KHDRBS2: variants seen among roughly 807,000 people sequenced by gnomAD.
The protein encoded by KHDRBS2 is KH domain-containing, RNA-binding, signal transduction-associated protein 2.
In KHDRBS2, 26 loss-of-function variants were observed where a neutral mutation model predicts 44.3. That is an observed-to-expected ratio of 0.59 (90% CI 0.43 to 0.81). The LOEUF (loss-of-function observed/expected upper bound fraction) is 0.81, where lower values mean the gene tolerates loss of function less well. KHDRBS2 is among the 40% of genes least tolerant of loss of function. The probability of loss-of-function intolerance (pLI) is 0.00; values close to 1 mark genes in which losing one functional copy is unlikely to be tolerated. For synonymous variants in KHDRBS2, 194 were observed against 151.1 expected, an observed-to-expected ratio of 1.28 and a Z score of -2.08; for missense variants, 476 against 433.1, an observed-to-expected ratio of 1.10 and a Z score of -0.88.
At chr6:61,621,973 C>A in the KHDRBS2 span, among the ~76,000 whole-genome samples, 1 of 152,106 alleles carries the variant, frequency 6.6e-6, no homozygotes, top group Non-Finnish European at 1.5e-5. Flanking sequence ...AGTTATACAG[C>A]CAGAAGTATA....
intron 2 of KHDRBS2, among the ~76,000 whole-genome samples, chr6:62,061,569 G>C (rs1292586253): frequency 6.7e-6 from 1 of 150,010 alleles, no homozygotes; most frequent in Non-Finnish European, 1.5e-5. Context: ...GCTTCCCTTT[G>C]AGGGTAACCC....
At chr6:62,066,330 C>A (rs565334912) in intron 2 of KHDRBS2, among the ~76,000 whole-genome samples, 1 of 151,666 alleles carries the variant, frequency 6.6e-6, no homozygotes, top group East Asian at 2.0e-4. Flanking sequence ...TGTGGCTGCA[C>A]AATTCCATTT....
chr6:62,265,931 T>G (rs1422587079), intron 1 of KHDRBS2, among the ~76,000 whole-genome samples: 2 of 152,112 alleles, frequency 1.3e-5, no homozygotes, highest in Non-Finnish European at 2.9e-5. Context: ...TATGGCAGGC[T>G]GTTATCAGGC....
At chr6:61,727,203 G>T (rs1449371048) in intron 7 of KHDRBS2, among the ~76,000 whole-genome samples, 2 of 152,118 alleles carry the variant, frequency 1.3e-5, no homozygotes, top group African/African-American at 2.4e-5. Flanking sequence ...CTTAATAAAT[G>T]GTTCTGGTAG....
intron 7 of KHDRBS2, among the ~76,000 whole-genome samples, chr6:61,699,516 A>T (rs1768326849): frequency 6.6e-6 from 1 of 152,018 alleles, no homozygotes; most frequent in Non-Finnish European, 1.5e-5. Context: ...AAACCAAATC[A>T]TATAAGGGCT....
chr6:61,686,245 A>C (rs1225285737), intron 8 of KHDRBS2, among the ~76,000 whole-genome samples: 1 of 151,768 alleles, frequency 6.6e-6, no homozygotes, highest in Admixed American at 6.6e-5. Flanking sequence ...TGCAAAAATC[A>C]CAACTAAAGT....
chr6:61,983,120 G>A (rs1262760224), intron 3 of KHDRBS2, among the ~76,000 whole-genome samples: 1 of 151,736 alleles, frequency 6.6e-6, no homozygotes, highest in Non-Finnish European at 1.5e-5. Context: ...CCATAGTTTG[G>A]ACTGGAATGT....
chr6:61,872,185 A>G (rs1054205141), intron 6 of KHDRBS2, among the ~76,000 whole-genome samples: 3 of 152,342 alleles, frequency 2.0e-5, no homozygotes, highest in Middle Eastern at 3.4e-3. Flanking sequence ...TTAGGAATAA[A>G]TTGAAAAACT....
the KHDRBS2 span, among the ~76,000 whole-genome samples, chr6:61,584,085 T>C: frequency 6.6e-6 from 1 of 151,766 alleles, no homozygotes. Flanking sequence ...ATTTAGTTAT[T>C]AGCTTTAGTA....
intron 4 of KHDRBS2, among the ~76,000 whole-genome samples, chr6:61,955,194 G>A (rs1488910183): frequency 1.4e-5 from 2 of 142,372 alleles, no homozygotes; most frequent in African/African-American, 5.1e-5. Flanking sequence ...ACGTTTGTAT[G>A]TATACATATA....
chr6:61,969,588 A>C (rs1407235045), intron 4 of KHDRBS2, among the ~76,000 whole-genome samples: 1 of 152,008 alleles, frequency 6.6e-6, no homozygotes, highest in African/African-American at 2.4e-5. Flanking sequence ...CTGATTCTGA[A>C]ACCTATCCTG....
intron 1 of KHDRBS2, among the ~76,000 whole-genome samples, chr6:62,206,765 G>A (rs1314500226): frequency 6.6e-6 from 1 of 151,868 alleles, no homozygotes; most frequent in Non-Finnish European, 1.5e-5. Flanking sequence ...TATATGTGTG[G>A]CAATAATGAC....
intron 6 of KHDRBS2, among the ~76,000 whole-genome samples, chr6:61,835,213 A>C (rs888862325): frequency 1.3e-5 from 2 of 152,106 alleles, no homozygotes; most frequent in Non-Finnish European, 2.9e-5. Flanking sequence ...ATGCAGATGG[A>C]GATGACAACT....
chr6:61,988,071 G>A (rs1775402327), intron 3 of KHDRBS2, among the ~76,000 whole-genome samples: 1 of 152,198 alleles, frequency 6.6e-6, no homozygotes, highest in Non-Finnish European at 1.5e-5. Flanking sequence ...CAAGTGATTA[G>A]TGCCAAACAC....
chr6:61,900,150 C>T (rs1357216314), intron 5 of KHDRBS2, among the ~76,000 whole-genome samples: 2 of 151,856 alleles, frequency 1.3e-5, no homozygotes, highest in Non-Finnish European at 2.9e-5. Context: ...CCCATTTTAC[C>T]TCTAGTAAAT....
intron 1 of KHDRBS2, among the ~76,000 whole-genome samples, chr6:62,263,323 T>C (rs919655802): frequency 3.3e-5 from 5 of 151,680 alleles, no homozygotes; most frequent in Admixed American, 2.6e-4. Flanking sequence ...GTGGTATTTT[T>C]AGTATGTTTG....
At chr6:61,840,845 G>A (rs1428648883) in intron 6 of KHDRBS2, among the ~76,000 whole-genome samples, 1 of 152,076 alleles carries the variant, frequency 6.6e-6, no homozygotes, top group East Asian at 1.9e-4. Flanking sequence ...TTCTGTCTAA[G>A]CTCTCATGTT....
chr6:61,899,217 A>G (rs1475840359), intron 5 of KHDRBS2, among the ~76,000 whole-genome samples: 2 of 151,946 alleles, frequency 1.3e-5, no homozygotes, highest in East Asian at 3.8e-4. Context: ...TCCTATTTAC[A>G]TATTCCATAC....
chr6:62,010,647 G>A (rs1178781669), intron 3 of KHDRBS2, among the ~76,000 whole-genome samples: 1 of 152,076 alleles, frequency 6.6e-6, no homozygotes, highest in Non-Finnish European at 1.5e-5. Flanking sequence ...GGCTGTTCTT[G>A]TGATAATAAA....
Sources: allele counts gnomAD v4.1 joint callset (sites outside exome capture counted in the v4.1 genomes callset), GRCh38; gene constraint gnomAD v4.1.1; transcripts MANE v1.5; gene names NCBI Gene and HGNC (gene_info 2026-07-23, HGNC 2026-07-21).